TMEM201: variants seen among roughly 807,000 people sequenced by gnomAD.
The protein encoded by TMEM201 is transmembrane protein 201, also known as RP13-15M17.2.
TMEM201 carries 26 observed loss-of-function variants against 63.4 expected under a neutral mutation model. That is an observed-to-expected ratio of 0.41 (90% CI 0.30 to 0.57). The LOEUF (loss-of-function observed/expected upper bound fraction) is 0.57, where lower values mean the gene tolerates loss of function less well. Ranked by LOEUF, TMEM201 falls within the 20% of genes least tolerant of loss-of-function variation. The pLI is 0.29. For synonymous variants in TMEM201, 417 were observed against 421.6 expected (o/e 0.99, Z 0.14); for missense variants, 794 against 917.7 (o/e 0.87, Z 1.74).
rs756285194 is a variant in TMEM201, at chr1:9,601,120, G to A, written c.622G>A (p.Val208Met). Residue 208 changes from valine (V) to methionine (M), a missense_variant, in exon 5 of 11, where the codon GTG becomes ATG. By Grantham distance (21) the Val-to-Met change is conservative. Coordinates refer to ENST00000340381, the MANE Select transcript of TMEM201 (RefSeq NM_001130924.3). ...QTHAQNFSSA[V>M]KSPVQVILLR... ...TCCTTTGCAGAACTTCTCCTCCGCC[G>A]TGAAGTCCCCGGTCCAGGTCATCCT... 36 of 1,590,168 alleles carry A rather than the reference G, an allele frequency of 2.3e-5. No individual in the cohort carries two copies. In the East Asian group the frequency reaches 2.7e-4, roughly 12 times the overall value.
rs1557564227 is a variant in TMEM201 at position 9,611,773 on chromosome 1, A to G, written c.1786A>G (p.Arg596Gly). The G allele has an allele frequency of 1.3e-6, 2 of 1,551,354 alleles. No homozygotes were observed. The highest frequency in any genetic ancestry group is 1.7e-6 in the Non-Finnish European group (2 of 1,147,082). Residue 596 changes from arginine to glycine, a missense_variant, in exon 10 of 11, where the codon AGA becomes GGA. Coordinates refer to ENST00000340381, the MANE Select transcript of TMEM201 (RefSeq NM_001130924.3). ...HALDLRSKLE[R>G]GSACSNRSIK... is the part of the protein sequence containing the mutation. ...TGCAGACCTGAGATCCAAGCTGGAA[A>G]GAGGCAGTGCCTGCAGCAACCGCTC... is the stretch of plus-strand genomic sequence containing the variant.
rs898498130 is a variant in TMEM201, at chr1:9,607,709, G to A, written c.1313G>A (p.Arg438Gln). The change falls in exon 7 of 11, where the codon CGA becomes CAA. Residue 438 changes from arginine (R) to glutamine (Q), a missense_variant. Physicochemically the swap from Arg to Gln is conservative, Grantham distance 43. Transcript: ENST00000340381. The surrounding 1 kb of genome is among the most constrained non-coding windows in gnomAD (Gnocchi z 5.4). ...AACCAGCAGCTCTTCCGGTCTCCTCGACGGACCTCACCCTCCTCATTGCCT... is the reference window on the plus strand; with the variant it reads ...AACCAGCAGCTCTTCCGGTCTCCTCAACGGACCTCACCCTCCTCATTGCCT... ...LANQQLFRSP[R>Q]RTSPSSLPGR... The A allele has an allele frequency of 2.0e-5, 31 of 1,551,802 alleles. No homozygotes were observed. Among genetic ancestry groups the A allele is most frequent in the South Asian group, 3.6e-5 (3 of 84,060 alleles).
In TMEM201 at chr1:9,608,507, A is replaced by G. The variant is rs1028734287; in HGVS notation, c.1393+718A>G. 1.3e-5 allele frequency among the ~76,000 whole-genome samples: 2 copies of G among 152,182 alleles called. No homozygotes were observed. Among genetic ancestry groups the G allele is most frequent in the Non-Finnish European group, 2.9e-5 (2 of 68,016 alleles). ...TTGTACACACGCCAAGGTTTATATT[A>G]GGATGCTTTTGCTTTTCCCCTAAGC... On this transcript the variant is annotated intron_variant, in intron 7 of 10. Coordinates refer to ENST00000340381, the MANE Select transcript of TMEM201 (RefSeq NM_001130924.3). This position sits in a 1 kb window ranked among gnomAD's most constrained non-coding sequence, Gnocchi z 4.3.
chr1:9,607,755 C>G lies in TMEM201; in HGVS notation c.1359C>G (p.Leu453=). Residue 453 remains leucine (L), a synonymous_variant, in exon 7 of 11, where the codon CTC becomes CTG. Coordinates refer to ENST00000340381, the MANE Select transcript of TMEM201 (RefSeq NM_001130924.3). This position sits in a 1 kb window ranked among gnomAD's most constrained non-coding sequence, Gnocchi z 5.4. ...SSLPGRLSRA[L]SLGTIPSLTR... ...TGCCTGGCCGCCTCAGCCGGGCCCTCTCTCTGGGAACCATACCCTCTCTGA... is the reference window on the plus strand; with the variant it reads ...TGCCTGGCCGCCTCAGCCGGGCCCTGTCTCTGGGAACCATACCCTCTCTGA... 6.4e-7 allele frequency: 1 copy of G among 1,551,720 alleles called. No homozygotes were observed. The highest frequency in any genetic ancestry group is 2.4e-5 in the East Asian group (1 of 40,922).
chr1:9,593,430 GT>G (rs755579563), intron 1 of TMEM201, among the ~76,000 whole-genome samples: 11 of 152,216 alleles, frequency 7.2e-5, no homozygotes, highest in Non-Finnish European at 1.6e-4. Context: ...GCCAAAGTGG[GT>G]GGCAGCTGCT....
Position 9,604,437 on chromosome 1 carries a change from C to T in TMEM201, c.1160+2165C>T. Reference sequence around the variant, plus strand: ...ATTCATGTGTCCCTTAAAAGTTTCACTACGTGGAGAAAATTCCAGCACCAA... The same window carrying T: ...ATTCATGTGTCCCTTAAAAGTTTCATTACGTGGAGAAAATTCCAGCACCAA... On this transcript the variant is annotated intron_variant, in intron 6 of 10. Transcript: ENST00000340381. This position sits in a 1 kb window ranked among gnomAD's most constrained non-coding sequence, Gnocchi z 4.1. The T allele has an allele frequency of 1.0e-6, 1 of 985,410 alleles. No individual in the cohort carries two copies. The highest frequency in any genetic ancestry group is 5.2e-4 in the Middle Eastern group (1 of 1,914). The allele number at this position is 985,410 out of a possible 1,614,324, so 61.0% of individuals were successfully genotyped here. A position where few individuals can be genotyped will look rare whatever the true frequency, so the allele number is the denominator to read the frequency against.
intron 6 of TMEM201, 24 bp downstream of exon 6, chr1:9,602,296 G>A (rs376441905): frequency 3.6e-5 from 58 of 1,608,256 alleles, no homozygotes; most frequent in South Asian, 1.7e-4. Context: ...CCATGACTGC[G>A]GGGGGAGGAC....
chr1:9,613,143 G>A lies in TMEM201; in HGVS notation c.*60G>A. 1.3e-6 allele frequency: 2 copies of A among 1,508,108 alleles called. No individual in the cohort carries two copies. Among genetic ancestry groups the A allele is most frequent in the East Asian group, 2.5e-5 (1 of 40,714 alleles). The allele number at this position is 1,508,108 out of a possible 1,614,324, so 93.4% of individuals were successfully genotyped here. On this transcript the variant is annotated 3_prime_UTR_variant, in exon 11 of 11. Coordinates refer to ENST00000340381, the MANE Select transcript of TMEM201 (RefSeq NM_001130924.3). ...GGTGCCTGCTGCTTCACCACTGCCG[G>A]CCTCAGGACCCTCCCTGGAGGGGCT...
chr1:9,611,973 A>G, intron 10 of TMEM201, 83 bp downstream of exon 10: 2 of 1,423,348 alleles, frequency 1.4e-6, no homozygotes, highest in South Asian at 3.0e-5. Flanking sequence ...CAGAGCACTG[A>G]CAGAAAGAAT....
At position 9,613,238 on chromosome 1, in the gene TMEM201, T is replaced by G. The variant is rs749095963; in HGVS notation, c.*155T>G. On this transcript the variant is annotated 3_prime_UTR_variant, in exon 11 of 11. Transcript: ENST00000340381. ...TGACTGTCCTCAGGACACCTGCCCC[T>G]CCTCACCTAACGGACTGCAGGGCTG... 3.4e-5 allele frequency: 23 copies of G among 668,626 alleles called. No homozygotes were observed. Among genetic ancestry groups the G allele is most frequent in the Non-Finnish European group, 4.9e-5 (19 of 388,588 alleles). 41.4% of individuals were successfully genotyped at this position (668,626 alleles called of 1,614,324 possible).
At chr1:9,602,337 G>T (rs768368966) in intron 6 of TMEM201, 65 bp downstream of exon 6, 1 of 1,575,284 alleles carries the variant, frequency 6.3e-7, no homozygotes, top group Non-Finnish European at 8.6e-7. Flanking sequence ...GCTTTGCCAG[G>T]TCCGAAGCGG....
At chr1:9,592,345 C>T (rs1024015968) in intron 1 of TMEM201, among the ~76,000 whole-genome samples, 2 of 152,368 alleles carry the variant, frequency 1.3e-5, no homozygotes, top group African/African-American at 4.8e-5. Flanking sequence ...TTTCCAACCC[C>T]GCACTGGGGC....
At chr1:9,589,263 C>T (rs1643880728) in intron 1 of TMEM201, among the ~76,000 whole-genome samples, 1 of 151,396 alleles carries the variant, frequency 6.6e-6, no homozygotes, top group Admixed American at 6.6e-5. Context: ...GAACGTGGGG[C>T]GCGGGCGAGA....
chr1:9,607,638 A>G lies in TMEM201; in HGVS notation c.1242A>G (p.Pro414=). 1.9e-6 allele frequency: 3 copies of G among 1,551,738 alleles called. No homozygotes were observed. The highest frequency in any genetic ancestry group is 2.6e-6 in the Non-Finnish European group (3 of 1,147,038). ...AIPHPSVGGS[P]ASLFIPSPPS... ...CTCACCCGAGTGTCGGAGGCTCTCC[A>G]GCGTCTCTGTTCATCCCCAGCCCGC... The change falls in exon 7 of 11, where the codon CCA becomes CCG. Residue 414 remains proline, a synonymous_variant. Transcript: ENST00000340381. The surrounding 1 kb of genome is among the most constrained non-coding windows in gnomAD (Gnocchi z 5.4).
intron 1 of TMEM201, among the ~76,000 whole-genome samples, chr1:9,592,878 C>T (rs1194769486): frequency 3.3e-5 from 5 of 152,204 alleles, no homozygotes; most frequent in Non-Finnish European, 4.4e-5. Context: ...TCAAATGGGA[C>T]CCATAGGGCC....
intron 4 of TMEM201, among the ~76,000 whole-genome samples, chr1:9,599,685 T>A (rs1569931067): frequency 6.7e-6 from 1 of 148,888 alleles, no homozygotes; most frequent in South Asian, 2.1e-4. Flanking sequence ...TGCAGTGGCG[T>A]GATCTCGGCT....
chr1:9,598,524 G>A lies in TMEM201; in HGVS notation c.505G>A (p.Ala169Thr). 6.2e-7 allele frequency: 1 copy of A among 1,613,934 alleles called. No individual in the cohort carries two copies. The highest frequency in any genetic ancestry group is 8.5e-7 in the Non-Finnish European group (1 of 1,180,028). ...GTACAAGCTGTGCCGGCCGTGCCAA[G>A]CGGCTGTGGAGTACTACATCAAGCA... ...QMYKLCRPCQ[A>T]AVEYYIKHQN... Residue 169 changes from alanine to threonine, a missense_variant, in exon 4 of 11, where the codon GCG becomes ACG. Coordinates refer to ENST00000340381, the MANE Select transcript of TMEM201 (RefSeq NM_001130924.3).
rs1188508197 is a variant in TMEM201 at position 9,607,331 on chromosome 1, G to A, written c.1161-226G>A. 2.6e-5 allele frequency among the ~76,000 whole-genome samples: 4 copies of A among 152,078 alleles called. No homozygotes were observed. Among genetic ancestry groups the A allele is most frequent in the Non-Finnish European group, 2.9e-5 (2 of 68,004 alleles). The stretch of plus-strand genomic sequence containing the variant: ...GCTGTGAGCCGAGGGGGTAGGAGGG[G>A]GCATGTGGGGAGGGCCGGGTCTTGC... On this transcript the variant is annotated intron_variant, in intron 6 of 10. Transcript: ENST00000340381. This position sits in a 1 kb window ranked among gnomAD's most constrained non-coding sequence, Gnocchi z 5.4.
rs868068513 is a variant in TMEM201, at chr1:9,603,188, G to A, written c.1160+916G>A. 245 of 985,494 alleles carry A rather than the reference G, an allele frequency of 2.5e-4. No homozygotes were observed. The highest frequency in any genetic ancestry group is 1.0e-3 in the South Asian group (22 of 21,288). 61.0% of individuals were successfully genotyped at this position (985,494 alleles called of 1,614,324 possible). A position where few individuals can be genotyped will look rare whatever the true frequency, so the allele number is the denominator to read the frequency against. On this transcript the variant is annotated intron_variant, in intron 6 of 10. Transcript: ENST00000340381. The surrounding 1 kb of genome is among the most constrained non-coding windows in gnomAD (Gnocchi z 4.5). ...ATGGCCCAGCGCCACTCTGTCCTCCGACTCAGGTGAGGGGGCAGCCCACAG... is the reference window on the plus strand; with the variant it reads ...ATGGCCCAGCGCCACTCTGTCCTCCAACTCAGGTGAGGGGGCAGCCCACAG...
Sources: allele counts gnomAD v4.1 joint callset (sites outside exome capture counted in the v4.1 genomes callset), GRCh38; gene constraint gnomAD v4.1.1; non-coding constraint Gnocchi (gnomAD v3.1); transcripts MANE v1.5; gene names NCBI Gene and HGNC (gene_info 2026-07-23, HGNC 2026-07-21).